The following TRDN variants were observed in gnomAD, a reference collection of about 807,000 sequenced individuals.
TRDN encodes the protein triadin.
TRDN carries 161 observed loss-of-function variants against 149.7 expected under a neutral mutation model. That is an observed-to-expected ratio of 1.08 (90% confidence interval 0.95 to 1.23). The LOEUF (loss-of-function observed/expected upper bound fraction) is 1.23. Ranked by LOEUF, TRDN falls within the 50% of genes most tolerant of loss-of-function variation. The probability of loss-of-function intolerance (pLI) is 0.00; values close to 1 mark genes in which losing one functional copy is unlikely to be tolerated. For synonymous variants in TRDN, 294 were observed against 250.5 expected (o/e 1.17, Z -1.64); for missense variants, 896 against 823.5 (o/e 1.09, Z -1.08).
chr6:123,377,808 A>G, intron 17 of TRDN, 58 bp downstream of exon 17: 2 of 1,605,826 alleles, frequency 1.2e-6, no homozygotes, highest in East Asian at 2.2e-5. Context: ...TCAGTATTCA[A>G]TTGCAAATCA....
chr6:123,622,022 G>A (rs1785407490), intron 1 of TRDN, among the ~76,000 whole-genome samples: 1 of 152,064 alleles, frequency 6.6e-6, no homozygotes, highest in Non-Finnish European at 1.5e-5. Context: ...ACTTACGTGA[G>A]AATCTTTTTA....
At chr6:123,487,083 G>A (rs1028120517) in intron 9 of TRDN, among the ~76,000 whole-genome samples, 1 of 151,804 alleles carries the variant, frequency 6.6e-6, no homozygotes, top group Non-Finnish European at 1.5e-5. Context: ...CATTATATAT[G>A]TGCTCAAGCA....
intron 4 of TRDN, among the ~76,000 whole-genome samples, chr6:123,532,587 T>C (rs1173120719): frequency 6.6e-6 from 1 of 151,934 alleles, no homozygotes. Flanking sequence ...CTTCCTGTCA[T>C]ATGGGTTCAA....
intron 1 of TRDN, among the ~76,000 whole-genome samples, chr6:123,577,566 A>G (rs1392016760): frequency 6.6e-6 from 1 of 152,008 alleles, no homozygotes; most frequent in Non-Finnish European, 1.5e-5. Flanking sequence ...ATTTAGGTTG[A>G]TTTCATGTCT....
chr6:123,569,006 AT>A (rs1369954679), intron 2 of TRDN, among the ~76,000 whole-genome samples: 1 of 152,222 alleles, frequency 6.6e-6, no homozygotes, highest in East Asian at 1.9e-4. Flanking sequence ...TATACTCTGC[AT>A]CCCCTTTAAA....
intron 8 of TRDN, chr6:123,502,883 C>T (rs1778758610): frequency 1.0e-6 from 1 of 985,266 alleles, no homozygotes; most frequent in Non-Finnish European, 1.2e-6. Context: ...CAGGATTATA[C>T]AGCAAACTGG....
rs1782546583 is a variant in TRDN, at chr6:123,570,968, C to T, written c.187G>A (p.Val63Ile). Residue 63 changes from valine (V) to isoleucine (I), a missense_variant, in exon 2 of 41, where the codon GTT becomes ATT. Physicochemically the swap from Val to Ile is conservative, Grantham distance 29 (BLOSUM62 3). Coordinates refer to ENST00000334268, the MANE Select transcript of TRDN (RefSeq NM_006073.4). ...ACTAAATCAAACATAACGATGGCAA[C>T]AGCTGACCACGTGATTATCAGGGCA... is the stretch of plus-strand genomic sequence containing the variant. Reference protein sequence around the residue: ...VIALIITWSAVAIVMFDLVDY... With the variant: ...VIALIITWSAIAIVMFDLVDY... The T allele has an allele frequency of 6.2e-7, 1 of 1,613,834 alleles. No individual in the cohort carries two copies. Among genetic ancestry groups the T allele is most frequent in the Non-Finnish European group, 8.5e-7 (1 of 1,179,874 alleles).
intron 12 of TRDN, among the ~76,000 whole-genome samples, chr6:123,426,465 TAAG>T (rs1774122703): frequency 1.3e-5 from 2 of 152,256 alleles, no homozygotes; most frequent in South Asian, 4.1e-4. Context: ...GGAGCAATAG[TAAG>T]TAGTACAAAT....
intron 8 of TRDN, chr6:123,503,500 C>G: frequency 7.2e-7 from 1 of 1,383,910 alleles, no homozygotes; most frequent in Non-Finnish European, 9.3e-7. Flanking sequence ...AAAAATACTT[C>G]AAAATGCCCC....
chr6:123,283,257 C>G (rs1340501642), intron 24 of TRDN, among the ~76,000 whole-genome samples: 1 of 151,806 alleles, frequency 6.6e-6, no homozygotes, highest in African/African-American at 2.4e-5. Context: ...TTTAAAAATT[C>G]TTTGAACTCA....
At chr6:123,306,303 A>T (rs1056426425) in intron 24 of TRDN, among the ~76,000 whole-genome samples, 29 of 152,160 alleles carry the variant, frequency 1.9e-4, no homozygotes, top group Non-Finnish European at 1.5e-5. Flanking sequence ...TTCCCCAGAC[A>T]TGGGACAGAG....
chr6:123,622,954 A>G (rs898950129), intron 1 of TRDN, among the ~76,000 whole-genome samples: 1 of 152,124 alleles, frequency 6.6e-6, no homozygotes, highest in Non-Finnish European at 1.5e-5. Context: ...GTAAAACTCT[A>G]TCGGGCAATT....
chr6:123,608,328 C>T (rs1784615654), intron 1 of TRDN, among the ~76,000 whole-genome samples: 1 of 152,146 alleles, frequency 6.6e-6, no homozygotes, highest in Non-Finnish European at 1.5e-5. Context: ...TTGTCAGTCA[C>T]TTGCAATTCT....
At chr6:123,360,731 G>GAC (rs1233757462) in intron 20 of TRDN, among the ~76,000 whole-genome samples, 1 of 151,332 alleles carries the variant, frequency 6.6e-6, no homozygotes, top group Non-Finnish European at 1.5e-5. Context: ...GAGAGAGAGA[G>GAC]AGAGAGAGAG....
chr6:123,472,998 A>G (rs1777265004), intron 9 of TRDN, among the ~76,000 whole-genome samples: 1 of 152,196 alleles, frequency 6.6e-6, no homozygotes, highest in South Asian at 2.1e-4. Context: ...TGGGGAAAAA[A>G]CAGAACAGAA....
At chr6:123,600,382 G>T (rs1315675835) in intron 1 of TRDN, among the ~76,000 whole-genome samples, 1 of 151,996 alleles carries the variant, frequency 6.6e-6, no homozygotes, top group African/African-American at 2.4e-5. Context: ...GAATCTCCAG[G>T]AGTAGGAGCT....
At chr6:123,313,030 A>G (rs1778890977) in intron 24 of TRDN, among the ~76,000 whole-genome samples, 1 of 152,024 alleles carries the variant, frequency 6.6e-6, no homozygotes, top group South Asian at 2.1e-4. Flanking sequence ...AAAAGCAAAT[A>G]CCATATAAAA....
chr6:123,434,370 C>G (rs1323476790), intron 12 of TRDN, among the ~76,000 whole-genome samples: 2 of 152,096 alleles, frequency 1.3e-5, no homozygotes, highest in African/African-American at 4.8e-5. Context: ...AATGGTTTGG[C>G]AGAGCAGATG....
At chr6:123,304,288 C>A (rs1263405365) in intron 24 of TRDN, among the ~76,000 whole-genome samples, 1 of 126,354 alleles carries the variant, frequency 7.9e-6, no homozygotes, top group Non-Finnish European at 1.6e-5. Context: ...GAGTCTTGCT[C>A]TGTTGCCAGA....
Sources: gnomAD v4.1 joint callset for allele counts (sites outside exome capture counted in the v4.1 genomes callset) on GRCh38, gnomAD v4.1.1 for gene constraint, MANE v1.5 for transcripts, NCBI Gene and HGNC (gene_info 2026-07-23, HGNC 2026-07-21) for gene names.